Variants in ADGRB3 observed in about 807,000 individuals in gnomAD.
The protein encoded by ADGRB3 is brain-specific angiogenesis inhibitor 3.
In ADGRB3, 37 loss-of-function variants were observed where a neutral mutation model predicts 193.4. That is an observed-to-expected ratio of 0.19 (90% CI 0.15 to 0.25). The LOEUF is 0.25. Ranked by LOEUF, ADGRB3 falls within the 10% of genes least tolerant of loss-of-function variation. The pLI, the probability that ADGRB3 is intolerant of heterozygous loss-of-function variation, is 1.00. For missense variants in ADGRB3, 1,637 were observed against 1,852.9 expected, an observed-to-expected ratio of 0.88 and a Z score of 2.14; for synonymous variants, 690 against 644.2, an observed-to-expected ratio of 1.07 and a Z score of -1.08.
chr6:69,171,399 A>G (rs765722416), intron 17 of ADGRB3, among the ~76,000 whole-genome samples: 2 of 152,186 alleles, frequency 1.3e-5, no homozygotes, highest in Non-Finnish European at 2.9e-5. Flanking sequence ...GCCACCAAAA[A>G]TGGCCTGGCC....
At chr6:68,691,812 T>G (rs1765080491) in intron 3 of ADGRB3, among the ~76,000 whole-genome samples, 2 of 149,956 alleles carry the variant, frequency 1.3e-5, no homozygotes, top group Non-Finnish European at 3.0e-5. Context: ...TACTTGTGAG[T>G]ACTATCCTAA....
chr6:68,903,617 C>T (rs1766457782), intron 3 of ADGRB3, among the ~76,000 whole-genome samples: 1 of 152,056 alleles, frequency 6.6e-6, no homozygotes, highest in African/African-American at 2.4e-5. Context: ...ATCTGTAACA[C>T]TTATAACACT....
intron 17 of ADGRB3, among the ~76,000 whole-genome samples, chr6:69,201,280 C>T (rs1240916011): frequency 1.3e-5 from 2 of 152,082 alleles, no homozygotes; most frequent in African/African-American, 2.4e-5. Context: ...CTGCTGCCTC[C>T]CCTCTCTCCC....
intron 17 of ADGRB3, among the ~76,000 whole-genome samples, chr6:69,172,825 C>G (rs1264230120): frequency 4.6e-5 from 7 of 151,896 alleles, no homozygotes; most frequent in Admixed American, 3.9e-4. Flanking sequence ...CAACAAGGAG[C>G]CGATCACAGG....
intron 21 of ADGRB3, among the ~76,000 whole-genome samples, chr6:69,326,869 A>G (rs1162495067): frequency 2.0e-5 from 3 of 151,986 alleles, no homozygotes; most frequent in Non-Finnish European, 2.9e-5. Context: ...AGGGGACTAT[A>G]TATTTATAAT....
At chr6:69,339,610 C>T (rs965300765) in intron 26 of ADGRB3, 106 bp downstream of exon 26, 19 of 1,305,886 alleles carry the variant, frequency 1.5e-5, no homozygotes, top group South Asian at 4.2e-5. Flanking sequence ...AGCTGGTCTC[C>T]TCCATTGACA....
At chr6:68,997,957 T>G (rs1562115773) in intron 11 of ADGRB3, among the ~76,000 whole-genome samples, 1 of 152,154 alleles carries the variant, frequency 6.6e-6, no homozygotes, top group South Asian at 2.1e-4. Context: ...TGTGAGAGAT[T>G]TATGTAAGTA....
chr6:69,384,221 A>G (rs944597828), intron 31 of ADGRB3, among the ~76,000 whole-genome samples: 3 of 152,018 alleles, frequency 2.0e-5, no homozygotes, highest in Non-Finnish European at 2.9e-5. Flanking sequence ...GTCTCTTAAT[A>G]GTTTCATGTT....
intron 30 of ADGRB3, among the ~76,000 whole-genome samples, chr6:69,373,889 A>G (rs1454229091): frequency 1.3e-5 from 2 of 152,126 alleles, no homozygotes; most frequent in Non-Finnish European, 2.9e-5. Flanking sequence ...AATCACAAAC[A>G]CTGAAAAGAA....
chr6:69,331,650 C>A, intron 23 of ADGRB3: 1 of 985,264 alleles, frequency 1.0e-6, no homozygotes, highest in Non-Finnish European at 1.2e-6. Context: ...TATTAGACAC[C>A]TTTTTTGTCT....
chr6:69,266,634 A>G (rs1767046070), intron 20 of ADGRB3, among the ~76,000 whole-genome samples: 1 of 152,078 alleles, frequency 6.6e-6, no homozygotes, highest in Non-Finnish European at 1.5e-5. Context: ...GCCACTTCAC[A>G]TATCTGTATG....
At position 69,213,559 on chromosome 6, in the gene ADGRB3, CTA is replaced by C. The variant is rs3839474; in HGVS notation, c.2481-19729_2481-19728del. 2.8e-4 allele frequency among the ~76,000 whole-genome samples: 42 copies of C among 152,300 alleles called. No homozygotes were observed. The East Asian group carries it at 7.7e-3, about 28-fold the overall frequency. ...CATGGGTTTCCTGACATTTTGAAAA[CTA>C]TTTTTCCATATTTATCACAGGCTTT... On this transcript the variant is annotated intron_variant, in intron 17 of 31. Transcript: ENST00000370598.
At chr6:68,877,155 T>A (rs1765616360) in intron 3 of ADGRB3, among the ~76,000 whole-genome samples, 1 of 152,032 alleles carries the variant, frequency 6.6e-6, no homozygotes. Flanking sequence ...TATAGTTCCC[T>A]TCAGAAAATA....
At chr6:68,702,004 G>A (rs1299197756) in intron 3 of ADGRB3, among the ~76,000 whole-genome samples, 1 of 152,146 alleles carries the variant, frequency 6.6e-6, no homozygotes, top group Non-Finnish European at 1.5e-5. Flanking sequence ...TTTGGCAGGT[G>A]TATTAGGCTG....
At chr6:69,233,544 C>T in intron 18 of ADGRB3, 128 bp downstream of exon 18, 2 of 1,249,746 alleles carry the variant, frequency 1.6e-6, no homozygotes, top group Non-Finnish European at 2.2e-6. Flanking sequence ...GGGTTCGTCT[C>T]CTCCTTAGCT....
chr6:68,898,575 A>C (rs1008120513), intron 3 of ADGRB3, among the ~76,000 whole-genome samples: 5 of 152,256 alleles, frequency 3.3e-5, no homozygotes, highest in Admixed American at 1.3e-4. Flanking sequence ...TTTTAAAAAT[A>C]ATGGAGTTAG....
At chr6:68,721,655 T>TATATATATATAA (rs1386347336) in intron 3 of ADGRB3, among the ~76,000 whole-genome samples, 2 of 141,336 alleles carry the variant, frequency 1.4e-5, no homozygotes, top group African/African-American at 5.1e-5. Context: ...TATATATATA[T>TATATATATATAA]AAATTATCAT....
chr6:68,657,375 A>T (rs1157488090), intron 3 of ADGRB3, among the ~76,000 whole-genome samples: 2 of 151,618 alleles, frequency 1.3e-5, no homozygotes, highest in Admixed American at 6.6e-5. Flanking sequence ...TAAATGTATT[A>T]GTCTTTAAAG....
intron 20 of ADGRB3, among the ~76,000 whole-genome samples, chr6:69,287,766 T>C (rs754818204): frequency 1.5e-4 from 23 of 152,360 alleles, no homozygotes; most frequent in African/African-American, 4.3e-4. Context: ...TAATGTCATA[T>C]CGAATTGGTC....
Sources: allele counts gnomAD v4.1 joint callset (sites outside exome capture counted in the v4.1 genomes callset), GRCh38; gene constraint gnomAD v4.1.1; transcripts MANE v1.5; gene names NCBI Gene and HGNC (gene_info 2026-07-23, HGNC 2026-07-21).